The following STXBP6 variants were observed in gnomAD, a reference collection of about 807,000 sequenced individuals.
STXBP6 encodes syntaxin binding protein 6.
A neutral mutation model predicts 26.9 loss-of-function variants in STXBP6; 21 were observed. That is an observed-to-expected ratio of 0.78 (90% CI 0.55 to 1.12). STXBP6 has a LOEUF of 1.12. Among genes scored for constraint, STXBP6 ranks in the 50% most tolerant of loss-of-function variants. STXBP6 has a pLI of 0.00. For synonymous variants in STXBP6, 97 were observed against 92.6 expected (o/e 1.05, Z -0.27); for missense variants, 232 against 257.9 (o/e 0.90, Z 0.69).
intron 2 of STXBP6, among the ~76,000 whole-genome samples, chr14:24,959,224 A>G (rs990295448): frequency 2.0e-5 from 3 of 152,200 alleles, no homozygotes; most frequent in African/African-American, 7.2e-5. Context: ...CTAACATATC[A>G]GATCAGTCGC....
At chr14:24,917,130 T>C (rs187219194) in intron 2 of STXBP6, among the ~76,000 whole-genome samples, 75 of 152,182 alleles carry the variant, frequency 4.9e-4, no homozygotes, top group Non-Finnish European at 2.9e-5. Flanking sequence ...TACACATTTC[T>C]AGGGGACTAA....
At chr14:24,964,592 T>A (rs541023339) in intron 2 of STXBP6, among the ~76,000 whole-genome samples, 1 of 152,108 alleles carries the variant, frequency 6.6e-6, no homozygotes, top group East Asian at 1.9e-4. Flanking sequence ...ATTGCCATTT[T>A]ATAGATGAGA....
intron 4 of STXBP6, among the ~76,000 whole-genome samples, chr14:24,851,125 C>T (rs2069135133): frequency 6.6e-6 from 1 of 151,972 alleles, no homozygotes; most frequent in Non-Finnish European, 1.5e-5. Context: ...GGGATTTGCT[C>T]ACGTTTAAAG....
At chr14:24,849,850 T>C (rs1417499282) in intron 4 of STXBP6, among the ~76,000 whole-genome samples, 2 of 152,166 alleles carry the variant, frequency 1.3e-5, no homozygotes, top group Non-Finnish European at 2.9e-5. Flanking sequence ...TATGTGTGCG[T>C]GCATCTCCCA....
intron 1 of STXBP6, among the ~76,000 whole-genome samples, chr14:24,976,479 G>A (rs2074047601): frequency 6.6e-6 from 1 of 152,138 alleles, no homozygotes; most frequent in South Asian, 2.1e-4. Flanking sequence ...ATCTACTTGT[G>A]CTCCAATCCC....
At chr14:24,937,848 CT>C in intron 2 of STXBP6, among the ~76,000 whole-genome samples, 1 of 152,160 alleles carries the variant, frequency 6.6e-6, no homozygotes, top group South Asian at 2.1e-4. Context: ...AAAAAATTAC[CT>C]GTGTACATTC....
Position 24,878,244 on chromosome 14 carries a change from CA to C in STXBP6, c.155-21088del, listed in dbSNP as rs1414110617. On this transcript the variant is annotated intron_variant, in intron 2 of 5. Coordinates refer to ENST00000323944, the MANE Select transcript of STXBP6 (RefSeq NM_001394410.1). ...CTTTTTTTAAAAAATAGTCATTCAT[CA>C]ATGTTTTCTTCTATGGTGTCACGAT... 3.9e-5 allele frequency among the ~76,000 whole-genome samples: 6 copies of C among 152,022 alleles called. No individual in the cohort carries two copies. The South Asian group carries it at 1.2e-3, about 32-fold the overall frequency.
chr14:24,975,878 A>G (rs180704522), intron 1 of STXBP6, among the ~76,000 whole-genome samples: 1 of 152,334 alleles, frequency 6.6e-6, no homozygotes, highest in African/African-American at 2.4e-5. Context: ...CCTAGTCATA[A>G]ATAGTCTGTG....
intron 4 of STXBP6, among the ~76,000 whole-genome samples, chr14:24,834,875 C>T (rs2068565695): frequency 6.6e-6 from 1 of 152,086 alleles, no homozygotes; most frequent in South Asian, 2.1e-4. Context: ...AGATCAGATT[C>T]AAGTTATCTG....
chr14:24,921,376 A>G (rs1359409925), intron 2 of STXBP6, among the ~76,000 whole-genome samples: 10 of 152,164 alleles, frequency 6.6e-5, no homozygotes, highest in African/African-American at 2.4e-4. Flanking sequence ...GATCTCCAAG[A>G]AGAAATTATA....
chr14:24,968,960 C>T (rs1213324753), intron 2 of STXBP6, among the ~76,000 whole-genome samples: 1 of 152,150 alleles, frequency 6.6e-6, no homozygotes, highest in Non-Finnish European at 1.5e-5. Flanking sequence ...ACCAGCCCCC[C>T]GTGCTGCATT....
At chr14:24,867,644 T>C (rs1237511486) in intron 2 of STXBP6, among the ~76,000 whole-genome samples, 1 of 151,480 alleles carries the variant, frequency 6.6e-6, no homozygotes, top group Non-Finnish European at 1.5e-5. Context: ...GCATATACTT[T>C]GTACTATACA....
chr14:24,822,048 CTAGGTCA>C (rs2068149874), intron 4 of STXBP6, among the ~76,000 whole-genome samples: 1 of 152,166 alleles, frequency 6.6e-6, no homozygotes, highest in Admixed American at 6.5e-5. Context: ...TTATCTTTCA[CTAGGTCA>C]TGCTGCTGAG....
intron 1 of STXBP6, among the ~76,000 whole-genome samples, chr14:25,027,465 A>C (rs1367859955): frequency 6.6e-6 from 1 of 151,994 alleles, no homozygotes; most frequent in Non-Finnish European, 1.5e-5. Context: ...TGGCTGCTCC[A>C]CCCACCAGCC....
intron 2 of STXBP6, among the ~76,000 whole-genome samples, chr14:24,929,931 C>T (rs1386377424): frequency 1.3e-5 from 2 of 152,130 alleles, no homozygotes; most frequent in African/African-American, 4.8e-5. Flanking sequence ...AAATATGTAG[C>T]CTCCCCATCA....
chr14:24,877,332 A>G (rs1023312460), intron 2 of STXBP6, among the ~76,000 whole-genome samples: 1 of 152,150 alleles, frequency 6.6e-6, no homozygotes, highest in Non-Finnish European at 1.5e-5. Context: ...ACATTTTCAC[A>G]CAATCAAAAA....
intron 2 of STXBP6, among the ~76,000 whole-genome samples, chr14:24,896,107 T>G (rs1043213764): frequency 3.3e-5 from 5 of 152,100 alleles, no homozygotes; most frequent in Admixed American, 6.6e-5. Context: ...CTGACATGAA[T>G]GTCCTAGAAA....
At chr14:25,044,170 C>CAAAAG (rs2075688170) in intron 1 of STXBP6, among the ~76,000 whole-genome samples, 1 of 53,328 alleles carries the variant, frequency 1.9e-5, no homozygotes, top group African/African-American at 7.9e-5. Context: ...GACTCTGCCT[C>CAAAAG]AAAAAAAAAA....
intron 2 of STXBP6, among the ~76,000 whole-genome samples, chr14:24,971,018 T>G (rs1386757631): frequency 6.6e-6 from 1 of 152,198 alleles, no homozygotes; most frequent in Non-Finnish European, 1.5e-5. Flanking sequence ...TGAGAAACAC[T>G]CAAATCCTAT....
Sources: allele counts gnomAD v4.1 joint callset (sites outside exome capture counted in the v4.1 genomes callset), GRCh38; gene constraint gnomAD v4.1.1; transcripts MANE v1.5; gene names NCBI Gene and HGNC (gene_info 2026-07-23, HGNC 2026-07-21).